CNOT2: variants seen among roughly 807,000 people sequenced by gnomAD.
CNOT2 encodes CC chemokine receptor 4-negative regulator of transcription 2.
A neutral mutation model predicts 72.1 loss-of-function variants in CNOT2; 7 were observed. The ratio of observed to expected loss-of-function variants is 0.10; its 90% CI spans 0.06 to 0.18. CNOT2 has a LOEUF of 0.18. CNOT2 is among the 10% of genes least tolerant of loss of function. CNOT2 has a pLI of 1.00. For synonymous variants in CNOT2, 196 were observed against 225.6 expected (o/e 0.87, Z 1.17); for missense variants, 345 against 660.3 (o/e 0.52, Z 5.23).
intron 2 of CNOT2, among the ~76,000 whole-genome samples, chr12:70,283,126 A>G (rs1408168482): frequency 2.6e-5 from 4 of 152,066 alleles, no homozygotes; most frequent in Non-Finnish European, 4.4e-5. Context: ...CCTTTCTTTT[A>G]TTGTTAAGTG....
At chr12:70,249,052 G>A (rs561341760) in intron 1 of CNOT2, among the ~76,000 whole-genome samples, 6 of 152,156 alleles carry the variant, frequency 3.9e-5, no homozygotes, top group South Asian at 2.1e-4. Context: ...GTATTCAGAT[G>A]TTGAAACAGC....
At chr12:70,308,584 T>TCTCTCTCTCTCTCTCTCACACA (rs550679130) in intron 2 of CNOT2, among the ~76,000 whole-genome samples, 11 of 133,240 alleles carry the variant, frequency 8.3e-5, no homozygotes, top group African/African-American at 3.1e-4. Flanking sequence ...TCTCTCTCTC[T>TCTCTCTCTCTCTCTCTCACACA]CACACACACA....
At position 70,293,184 on chromosome 12, in the gene CNOT2, G is replaced by A. The variant is rs552332175; in HGVS notation, c.48+14910G>A. On this transcript the variant is annotated intron_variant, in intron 2 of 15. Transcript: ENST00000229195. ...ATCTTTTTTTTTTTTTTTTGAGATA[G>A]AGTTTTGCTCTTATCACCCAGGCTG... Among the ~76,000 whole-genome samples, 3 of 139,944 alleles carry A rather than the reference G, an allele frequency of 2.1e-5. No homozygotes were observed. The South Asian group carries it at 6.8e-4, about 32-fold the overall frequency. 91.8% of individuals were successfully genotyped at this position (139,944 alleles called of 152,430 possible).
chr12:70,302,602 C>G (rs1434991918), intron 2 of CNOT2, among the ~76,000 whole-genome samples: 2 of 152,100 alleles, frequency 1.3e-5, no homozygotes, highest in Non-Finnish European at 2.9e-5. Flanking sequence ...AATTTCTGAT[C>G]TTTTACATTT....
intron 4 of CNOT2, among the ~76,000 whole-genome samples, chr12:70,327,317 G>C (rs1009728098): frequency 6.6e-6 from 1 of 151,882 alleles, no homozygotes; most frequent in Non-Finnish European, 1.5e-5. Context: ...AAAAAAGGTT[G>C]AGGGAAACAT....
chr12:70,325,840 A>C (rs1344297924), intron 4 of CNOT2, among the ~76,000 whole-genome samples: 1 of 151,802 alleles, frequency 6.6e-6, no homozygotes, highest in Non-Finnish European at 1.5e-5. Context: ...TCCTGCCCCT[A>C]TAAAGATTTT....
intron 15 of CNOT2, among the ~76,000 whole-genome samples, chr12:70,350,387 T>C (rs774372166): frequency 2.6e-5 from 4 of 152,244 alleles, no homozygotes; most frequent in Non-Finnish European, 4.4e-5. Flanking sequence ...TACATCCTTA[T>C]ACTTTAGTAA....
At chr12:70,257,549 A>G (rs1461660647) in intron 1 of CNOT2, among the ~76,000 whole-genome samples, 2 of 150,602 alleles carry the variant, frequency 1.3e-5, no homozygotes, top group African/African-American at 4.9e-5. Context: ...TTTTTTTTTA[A>G]GTAGAGATGG....
chr12:70,295,244 T>G (rs926242678), intron 2 of CNOT2, among the ~76,000 whole-genome samples: 5 of 152,208 alleles, frequency 3.3e-5, no homozygotes, highest in African/African-American at 9.6e-5. Context: ...GGTTGCTAAG[T>G]TTCTTCAGAG....
At chr12:70,254,851 C>T (rs1958343569) in intron 1 of CNOT2, among the ~76,000 whole-genome samples, 2 of 151,828 alleles carry the variant, frequency 1.3e-5, no homozygotes, top group South Asian at 2.1e-4. Flanking sequence ...CATGGTGGCA[C>T]GTGTCTCTAA....
chr12:70,278,325 A>T (rs753770253), intron 2 of CNOT2, 51 bp downstream of exon 2: 1 of 1,314,230 alleles, frequency 7.6e-7, no homozygotes, highest in Non-Finnish European at 1.1e-6. Context: ...AGCTACATTG[A>T]AACTGTTCAA....
At position 70,332,831 on chromosome 12, in the gene CNOT2, A is replaced by G. The variant is rs1880150034; in HGVS notation, c.634A>G (p.Ile212Val). 3 of 1,604,750 alleles carry G rather than the reference A, an allele frequency of 1.9e-6. No homozygotes were observed. Among genetic ancestry groups the G allele is most frequent in the African/African-American group, 1.3e-5 (1 of 74,322 alleles). Residue 212 changes from isoleucine (I) to valine (V), a missense_variant, in exon 7 of 16, where the codon ATT becomes GTT. By Grantham distance (29) the Ile-to-Val change is conservative. Coordinates refer to ENST00000229195, the MANE Select transcript of CNOT2 (RefSeq NM_014515.7). ...FGMNNSLSSN[I>V]FNGTDGSENV... ...AATGAATAACTCCTTATCAAGTAACATTTTTAATGGAACAGGTAAGCTTAT... is the reference window on the plus strand; with the variant it reads ...AATGAATAACTCCTTATCAAGTAACGTTTTTAATGGAACAGGTAAGCTTAT...
intron 1 of CNOT2, among the ~76,000 whole-genome samples, chr12:70,247,959 T>C (rs991003842): frequency 6.6e-6 from 1 of 152,234 alleles, no homozygotes; most frequent in Non-Finnish European, 1.5e-5. Context: ...GAAAAATAGA[T>C]AACTAGCTTC....
chr12:70,300,216 T>C (rs949132179), intron 2 of CNOT2, among the ~76,000 whole-genome samples: 7 of 152,178 alleles, frequency 4.6e-5, no homozygotes, highest in Non-Finnish European at 8.8e-5. Context: ...AGAAGCTCTT[T>C]AGTTTAATTA....
intron 1 of CNOT2, among the ~76,000 whole-genome samples, chr12:70,258,503 A>G (rs1415261969): frequency 6.6e-6 from 1 of 152,234 alleles, no homozygotes; most frequent in Non-Finnish European, 1.5e-5. Context: ...GTAGGCAAAG[A>G]CAAGTAATAT....
chr12:70,299,401 G>T (rs1334984035), intron 2 of CNOT2, among the ~76,000 whole-genome samples: 1 of 130,588 alleles, frequency 7.7e-6, no homozygotes, highest in Non-Finnish European at 1.5e-5. Flanking sequence ...AGTCCCCGGT[G>T]TGTGATGTTC....
chr12:70,346,399 G>A, intron 15 of CNOT2, 75 bp downstream of exon 15: 1 of 1,234,372 alleles, frequency 8.1e-7, no homozygotes, highest in Non-Finnish European at 1.2e-6. Context: ...CTGTTTATAA[G>A]TACCAATACA....
At chr12:70,341,977 C>G in intron 11 of CNOT2, 130 bp from the exon 12 acceptor site, 1 of 705,660 alleles carries the variant, frequency 1.4e-6, no homozygotes, top group East Asian at 2.6e-5. Flanking sequence ...CTGTATAAGT[C>G]AGTAAACCCA....
chr12:70,300,760 G>C (rs1392241833), intron 2 of CNOT2, among the ~76,000 whole-genome samples: 1 of 152,210 alleles, frequency 6.6e-6, no homozygotes, highest in Non-Finnish European at 1.5e-5. Flanking sequence ...TGTGAAGAAA[G>C]TCGTTGGTAG....
Sources: allele counts gnomAD v4.1 joint callset (sites outside exome capture counted in the v4.1 genomes callset), GRCh38; gene constraint gnomAD v4.1.1; transcripts MANE v1.5; gene names NCBI Gene and HGNC (gene_info 2026-07-23, HGNC 2026-07-21).